Variants in TRIM38 observed in about 807,000 individuals in gnomAD.
The protein encoded by TRIM38 is E3 ubiquitin-protein ligase TRIM38.
A neutral mutation model predicts 35.8 loss-of-function variants in TRIM38; 35 were observed. The ratio of observed to expected loss-of-function variants is 0.98; its 90% confidence interval spans 0.75 to 1.30. The LOEUF (loss-of-function observed/expected upper bound fraction) is 1.30. TRIM38 is among the 50% of genes most tolerant of loss of function. TRIM38 has a pLI of 0.00. For missense variants in TRIM38, 545 were observed against 556.9 expected (o/e 0.98, Z 0.21); for synonymous variants, 198 against 204.7 (o/e 0.97, Z 0.28).
At chr6:25,967,742 G>A (rs1239846162) in intron 3 of TRIM38, among the ~76,000 whole-genome samples, 1 of 151,680 alleles carries the variant, frequency 6.6e-6, no homozygotes, top group African/African-American at 2.4e-5. Context: ...TGCCTTTCTT[G>A]CTTATACTGG....
intron 2 of TRIM38, among the ~76,000 whole-genome samples, chr6:25,963,928 A>AC (rs1759934006): frequency 6.6e-6 from 1 of 152,028 alleles, no homozygotes; most frequent in Non-Finnish European, 1.5e-5. Context: ...AACAACAACA[A>AC]AAACACAAAC....
intron 2 of TRIM38, among the ~76,000 whole-genome samples, chr6:25,963,929 A>AACAACAACAAC (rs1759934202): frequency 1.0e-5 from 1 of 98,746 alleles, no homozygotes; most frequent in Non-Finnish European, 2.4e-5. Flanking sequence ...ACAACAACAA[A>AACAACAACAAC]AACACAAACA....
At chr6:25,982,813 T>A (rs368827091) in intron 7 of TRIM38, among the ~76,000 whole-genome samples, 200 of 152,334 alleles carry the variant, frequency 1.3e-3, no homozygotes, top group African/African-American at 4.8e-3. Context: ...TGGCTGGGCA[T>A]GGTGGCTCAC....
At chr6:25,973,022 C>A in intron 5 of TRIM38, 32 bp from the exon 6 acceptor site, 1 of 1,614,040 alleles carries the variant, frequency 6.2e-7, no homozygotes, top group South Asian at 1.1e-5. Context: ...CCGATGTTCC[C>A]ATGCTCACCT....
chr6:25,971,919 C>T lies in TRIM38; in HGVS notation c.558C>T (p.Leu186=). The change falls in exon 5 of 8, where the codon CTC becomes CTT. Residue 186 remains leucine, a synonymous_variant. Transcript: ENST00000357085. ...RQKIRSDFKN[L]QCFLHEEEKS... is the part of the protein sequence containing the mutation. Reference sequence around the variant, plus strand: ...AAATCCGGTCTGACTTTAAGAATCTCCAGTGTTTCCTACATGAGGAAGAGA... The same window carrying T: ...AAATCCGGTCTGACTTTAAGAATCTTCAGTGTTTCCTACATGAGGAAGAGA... 6.2e-7 allele frequency: 1 copy of T among 1,614,124 alleles called. No homozygotes were observed.
chr6:25,966,597 C>G lies in TRIM38; in HGVS notation c.75C>G (p.Asn25Lys), dbSNP rs1165613920. 6.2e-7 allele frequency: 1 copy of G among 1,613,994 alleles called. No homozygotes were observed. Among genetic ancestry groups the G allele is most frequent in the Non-Finnish European group, 8.5e-7 (1 of 1,180,024 alleles). The change falls in exon 3 of 8, where the codon AAC becomes AAG. Residue 25 changes from asparagine (N) to lysine (K), a missense_variant. By Grantham distance (94) the Asn-to-Lys change is moderately conservative (BLOSUM62 0). Transcript: ENST00000357085. Reference protein sequence around the residue: ...TCSICLSLMTNPVSINCGHSY... With the variant: ...TCSICLSLMTKPVSINCGHSY... ...CCATCTGCCTGAGCCTGATGACGAA[C>G]CCAGTAAGCATCAACTGTGGACACA...
At chr6:25,974,107 A>G (rs1760321555) in intron 7 of TRIM38, among the ~76,000 whole-genome samples, 1 of 152,228 alleles carries the variant, frequency 6.6e-6, no homozygotes, top group African/African-American at 2.4e-5. Context: ...ATCTGGGCAC[A>G]GCTTAGTTGG....
In TRIM38 at chr6:25,971,859, T is replaced by G. The variant is rs1760241466; in HGVS notation, c.508-10T>G. On this transcript the variant is annotated splice_polypyrimidine_tract_variant and intron_variant, in intron 4 of 7. Transcript: ENST00000357085. The stretch of plus-strand genomic sequence containing the variant: ...ACTTCCACCTTTTGACCATACTTTC[T>G]TGACTCCAGGAGAAGGTACAGATTC... The G allele has an allele frequency of 6.2e-7, 1 of 1,611,924 alleles. No individual in the cohort carries two copies. Among genetic ancestry groups the G allele is most frequent in the African/African-American group, 1.3e-5 (1 of 74,962 alleles).
Position 25,991,008 on chromosome 6 carries a change from G to A in TRIM38, c.*7321G>A, listed in dbSNP as rs912028373. 5 of 152,080 alleles carry A rather than the reference G, an allele frequency of 3.3e-5. No individual in the cohort carries two copies. Among genetic ancestry groups the A allele is most frequent in the East Asian group, 1.9e-4 (1 of 5,184 alleles). The allele number at this position is 152,080 out of a possible 1,614,324, so 9.4% of individuals were successfully genotyped here. On this transcript the variant is annotated 3_prime_UTR_variant, in exon 8 of 8. Coordinates refer to ENST00000357085, the MANE Select transcript of TRIM38 (RefSeq NM_006355.5). ...AGGCCCCTCCAAACTGTCATATTCCGGGCATCGGGTGTCCCCATCCTCACT... is the reference window on the plus strand; with the variant it reads ...AGGCCCCTCCAAACTGTCATATTCCAGGCATCGGGTGTCCCCATCCTCACT...
intron 4 of TRIM38, among the ~76,000 whole-genome samples, chr6:25,970,211 C>T (rs1183975713): frequency 3.3e-5 from 5 of 152,102 alleles, no homozygotes; most frequent in Non-Finnish European, 7.4e-5. Context: ...CCACTGCACC[C>T]GGCCTATACT....
intron 3 of TRIM38, among the ~76,000 whole-genome samples, chr6:25,967,815 C>A (rs1452788552): frequency 6.6e-6 from 1 of 152,162 alleles, no homozygotes; most frequent in East Asian, 1.9e-4. Flanking sequence ...GAGGCATGAA[C>A]CACTGTGCCC....
chr6:25,973,001 C>G, intron 5 of TRIM38, 53 bp from the exon 6 acceptor site: 1 of 1,611,308 alleles, frequency 6.2e-7, no homozygotes, highest in South Asian at 1.1e-5. Context: ...CATGACAAGC[C>G]CCATGAAATA....
intron 4 of TRIM38, among the ~76,000 whole-genome samples, chr6:25,970,198 G>C (rs1010040666): frequency 6.6e-6 from 1 of 152,150 alleles, no homozygotes; most frequent in African/African-American, 2.4e-5. Flanking sequence ...TTACAGGCGT[G>C]AGCCACTGCA....
Position 25,988,492 on chromosome 6 carries a change from C to CTTTTTTTTTTTTTTTTTTTT in TRIM38, c.*4808_*4809insTTTTTTTTTTTTTTTTTTTT, listed in dbSNP as rs1259308684. 1.3e-4 allele frequency: 4 copies of CTTTTTTTTTTTTTTTTTTTT among 30,130 alleles called. No individual in the cohort carries two copies. Among genetic ancestry groups the CTTTTTTTTTTTTTTTTTTTT allele is most frequent in the South Asian group, 1.4e-3 (1 of 716 alleles). The allele number at this position is 30,130 out of a possible 1,614,324, so 1.9% of individuals were successfully genotyped here. ...TCTTTTTCTTTTTCTTTTTTCTTTTCTTTCTTTTTTTTTTTTTTTTTGAGA... is the reference window on the plus strand; with the variant it reads ...TCTTTTTCTTTTTCTTTTTTCTTTTCTTTTTTTTTTTTTTTTTTTTTTTCTTTTTTTTTTTTTTTTTGAGA... On this transcript the variant is annotated 3_prime_UTR_variant, in exon 8 of 8. Transcript: ENST00000357085.
intron 7 of TRIM38, among the ~76,000 whole-genome samples, chr6:25,977,687 T>G (rs1203037753): frequency 1.8e-3 from 188 of 106,136 alleles, no homozygotes; most frequent in Admixed American, 2.2e-3. Flanking sequence ...AGAAGAGAGA[T>G]GAAGGAGGAG....
rs1272510301 is a variant in TRIM38 at position 25,984,349 on chromosome 6, T to C, written c.*662T>C. 6.6e-6 allele frequency: 1 copy of C among 152,368 alleles called. No homozygotes were observed. The highest frequency in any genetic ancestry group is 2.4e-5 in the African/African-American group (1 of 41,464). The allele number at this position is 152,368 out of a possible 1,614,324, so 9.4% of individuals were successfully genotyped here. On this transcript the variant is annotated 3_prime_UTR_variant, in exon 8 of 8. Transcript: ENST00000357085. ...AAGAATTTGGTATTTTCCAGTCTGC[T>C]AGGACCAATTACCTTGAAATATTTT...
At chr6:25,975,145 C>G (rs1760355376) in intron 7 of TRIM38, 1 of 974,214 alleles carries the variant, frequency 1.0e-6, no homozygotes, top group Admixed American at 6.2e-5. Flanking sequence ...GAAACTATTT[C>G]TTAAATGGGC....
chr6:25,970,203 A>T (rs1760189926), intron 4 of TRIM38, among the ~76,000 whole-genome samples: 1 of 152,206 alleles, frequency 6.6e-6, no homozygotes, highest in African/African-American at 2.4e-5. Context: ...GGCGTGAGCC[A>T]CTGCACCCGG....
rs1760245462 is a variant in TRIM38, at chr6:25,971,936, A to G, written c.575A>G (p.Glu192Gly). ...AAGAATCTCCAGTGTTTCCTACATGAGGAAGAGAAGTCTTATCTCTGGAGG... is the reference window on the plus strand; with the variant it reads ...AAGAATCTCCAGTGTTTCCTACATGGGGAAGAGAAGTCTTATCTCTGGAGG... ...DFKNLQCFLH[E>G]EEKSYLWRLE... Residue 192 changes from glutamate (E) to glycine (G), a missense_variant, in exon 5 of 8, where the codon GAG becomes GGG. Coordinates refer to ENST00000357085, the MANE Select transcript of TRIM38 (RefSeq NM_006355.5). The G allele has an allele frequency of 6.2e-7, 1 of 1,614,198 alleles. No individual in the cohort carries two copies. Among genetic ancestry groups the G allele is most frequent in the Non-Finnish European group, 8.5e-7 (1 of 1,180,034 alleles).
Sources: allele counts gnomAD v4.1 joint callset (sites outside exome capture counted in the v4.1 genomes callset), GRCh38; gene constraint gnomAD v4.1.1; transcripts MANE v1.5; gene names NCBI Gene and HGNC (gene_info 2026-07-23, HGNC 2026-07-21).